The following NFIB variants were observed in gnomAD, a reference collection of about 807,000 sequenced individuals.
The protein encoded by NFIB is nuclear factor 1 B-type.
NFIB carries 11 observed loss-of-function variants against 61.5 expected under a neutral mutation model. The observed-to-expected ratio is 0.18, with a 90% CI of 0.11 to 0.30. NFIB has a LOEUF of 0.30. Ranked by LOEUF, NFIB falls within the 10% of genes least tolerant of loss-of-function variation. The probability of loss-of-function intolerance (pLI) is 1.00; values close to 1 mark genes in which losing one functional copy is unlikely to be tolerated. For missense variants in NFIB, 471 were observed against 608.9 expected, an observed-to-expected ratio of 0.77 and a Z score of 2.38; for synonymous variants, 260 against 216.5, an observed-to-expected ratio of 1.20 and a Z score of -1.76.
At position 14,307,615 on chromosome 9, in the gene NFIB, A is replaced by G; in HGVS notation, c.31-95T>C. On this transcript the variant is annotated intron_variant, in intron 1 of 10. Transcript: ENST00000380953. The surrounding 1 kb of genome is among the most constrained non-coding windows in gnomAD (Gnocchi z 5.3). ...AAAAGAAGACCACAACCCGTTTCCA[A>G]TTCAGTACAAAAAGTTATACATGAA... 9.3e-6 allele frequency: 11 copies of G among 1,187,642 alleles called. No homozygotes were observed. Among genetic ancestry groups the G allele is most frequent in the Non-Finnish European group, 1.3e-5 (11 of 875,568 alleles). 73.6% of individuals were successfully genotyped at this position (1,187,642 alleles called of 1,614,324 possible). A position where few individuals can be genotyped will look rare whatever the true frequency, so the allele number is the denominator to read the frequency against.
At chr9:14,486,152 G>C in the NFIB span, among the ~76,000 whole-genome samples, 5 of 152,290 alleles carry the variant, frequency 3.3e-5, no homozygotes, top group African/African-American at 1.2e-4. Context: ...TATGTGAACA[G>C]GGACAGAGTG....
At chr9:14,327,483 T>C (rs1031067301) in intron 1 of NFIB, among the ~76,000 whole-genome samples, 2 of 152,186 alleles carry the variant, frequency 1.3e-5, no homozygotes, top group Non-Finnish European at 2.9e-5. Context: ...AAACACACAT[T>C]GCATGCTTAG....
At position 14,088,164 on chromosome 9, in the gene NFIB, A is replaced by G. The variant is rs1477408884; in HGVS notation, c.*145T>C. The G allele has an allele frequency of 7.1e-7, 1 of 1,405,392 alleles. No homozygotes were observed. The allele number at this position is 1,405,392 out of a possible 1,614,324, so 87.1% of individuals were successfully genotyped here. On this transcript the variant is annotated 3_prime_UTR_variant, in exon 11 of 11. Coordinates refer to ENST00000380953, the MANE Select transcript of NFIB (RefSeq NM_001190737.2). ...TCCTTTTTTTTTATTTAAAAAAAAA[A>G]TTTCTTAAACTATTGTTGTGTTTCT...
intron 2 of NFIB, among the ~76,000 whole-genome samples, chr9:14,186,641 C>G (rs1283816946): frequency 6.6e-6 from 1 of 152,022 alleles, no homozygotes; most frequent in African/African-American, 2.4e-5. Flanking sequence ...CTTCTCTCTT[C>G]CCCTCTCTCT....
chr9:14,155,431 C>G (rs1210562415), intron 4 of NFIB, among the ~76,000 whole-genome samples: 1 of 152,156 alleles, frequency 6.6e-6, no homozygotes, highest in Admixed American at 6.5e-5. Flanking sequence ...ATCTCCAACC[C>G]CCACCAAAAT....
At chr9:14,311,571 T>A (rs1054431911) in intron 1 of NFIB, among the ~76,000 whole-genome samples, 2 of 152,196 alleles carry the variant, frequency 1.3e-5, no homozygotes, top group African/African-American at 4.8e-5. Flanking sequence ...TGTGTATCTC[T>A]GAATACTAAT....
chr9:14,339,903 G>A (rs1169403103), intron 1 of NFIB, among the ~76,000 whole-genome samples: 1 of 152,222 alleles, frequency 6.6e-6, no homozygotes, highest in East Asian at 1.9e-4. Context: ...AGGAGTAAGT[G>A]AGCCAGCCTC....
At chr9:14,489,454 T>C in the NFIB span, among the ~76,000 whole-genome samples, 2 of 152,228 alleles carry the variant, frequency 1.3e-5, no homozygotes, top group Non-Finnish European at 2.9e-5. Flanking sequence ...ACTCCTTGAA[T>C]GTGGAGACCA....
At chr9:14,514,430 T>C in the NFIB span, among the ~76,000 whole-genome samples, 8 of 152,164 alleles carry the variant, frequency 5.3e-5, no homozygotes, top group African/African-American at 1.9e-4. Context: ...CAAGATGTTA[T>C]GGAATTACCT....
At chr9:14,476,006 C>G in the NFIB span, among the ~76,000 whole-genome samples, 1 of 152,126 alleles carries the variant, frequency 6.6e-6, no homozygotes, top group Non-Finnish European at 1.5e-5. Context: ...TTGGACTTAA[C>G]AAATCCAAAC....
At chr9:14,134,931 G>C (rs890923238) in intron 6 of NFIB, among the ~76,000 whole-genome samples, 4 of 133,042 alleles carry the variant, frequency 3.0e-5, no homozygotes, top group African/African-American at 8.1e-5. Flanking sequence ...GGAAATTGAA[G>C]GATATGGTAA....
At chr9:14,191,687 AATG>A (rs1204928962) in intron 2 of NFIB, among the ~76,000 whole-genome samples, 1 of 152,172 alleles carries the variant, frequency 6.6e-6, no homozygotes, top group Non-Finnish European at 1.5e-5. Context: ...CTTAACCCTG[AATG>A]ATATCAAACC....
intron 2 of NFIB, among the ~76,000 whole-genome samples, chr9:14,275,370 T>G (rs531009207): frequency 6.6e-6 from 1 of 152,276 alleles, no homozygotes; most frequent in Admixed American, 6.5e-5. Flanking sequence ...TTCATATCAG[T>G]TCTGGGATTT....
At chr9:14,135,036 G>A (rs908646716) in intron 6 of NFIB, among the ~76,000 whole-genome samples, 8 of 150,988 alleles carry the variant, frequency 5.3e-5, no homozygotes, top group East Asian at 1.9e-4. Flanking sequence ...GAAATAGAAC[G>A]CACCGAAATG....
At position 14,082,668 on chromosome 9, in the gene NFIB, G is replaced by GT. The variant is rs35029845; in HGVS notation, c.*5640dup. The GT allele has an allele frequency of 0.29, 49,933 of 171,422 alleles. 5,923 individuals are homozygous for GT. The highest frequency in any genetic ancestry group is 0.6 in the South Asian group (2,862 of 4,762). The allele number at this position is 171,422 out of a possible 1,614,324, so 10.6% of individuals were successfully genotyped here. On this transcript the variant is annotated 3_prime_UTR_variant, in exon 11 of 11. Transcript: ENST00000380953. The stretch of plus-strand genomic sequence containing the variant: ...GAGTTTTTTGGTAAACATTTTGCTG[G>GT]TTTTTTTTTTTTGTTTGTTTCTTTC...
At chr9:14,453,483 A>G in the NFIB span, among the ~76,000 whole-genome samples, 5 of 152,198 alleles carry the variant, frequency 3.3e-5, no homozygotes, top group African/African-American at 1.2e-4. Flanking sequence ...AATGAAGCCA[A>G]CTCATTTGGA....
At chr9:14,385,768 A>G (rs1024770763) in intron 1 of NFIB, among the ~76,000 whole-genome samples, 1 of 151,426 alleles carries the variant, frequency 6.6e-6, no homozygotes, top group Non-Finnish European at 1.5e-5. Context: ...ATATGGGATC[A>G]GAGACACAGT....
At chr9:14,457,169 G>GA in the NFIB span, among the ~76,000 whole-genome samples, 1 of 152,164 alleles carries the variant, frequency 6.6e-6, no homozygotes, top group Admixed American at 6.5e-5. Flanking sequence ...CATTTCTATG[G>GA]AAAAACATAT....
chr9:14,342,658 A>G (rs962023055), intron 1 of NFIB, among the ~76,000 whole-genome samples: 1 of 152,192 alleles, frequency 6.6e-6, no homozygotes, highest in Non-Finnish European at 1.5e-5. Flanking sequence ...AGCGGGCTAC[A>G]CATAGTCACC....
Sources: allele counts gnomAD v4.1 joint callset (sites outside exome capture counted in the v4.1 genomes callset), GRCh38; gene constraint gnomAD v4.1.1; non-coding constraint Gnocchi (gnomAD v3.1); transcripts MANE v1.5; gene names NCBI Gene and HGNC (gene_info 2026-07-23, HGNC 2026-07-21).